The following CALN1 variants were observed in gnomAD, a reference collection of about 807,000 sequenced individuals.
CALN1 encodes calneuron 1, also known as calcium-binding protein 8.
Under a neutral mutation model 30.6 loss-of-function variants are expected in CALN1, and 17 were observed. The observed-to-expected ratio is 0.56, with a 90% CI of 0.38 to 0.83. CALN1 has a LOEUF of 0.83. CALN1 is among the 40% of genes least tolerant of loss of function. The probability of loss-of-function intolerance (pLI) is 0.00; values close to 1 mark genes in which losing one functional copy is unlikely to be tolerated. For synonymous variants in CALN1, 156 were observed against 131.4 expected, an observed-to-expected ratio of 1.19 and a Z score of -1.28; for missense variants, 291 against 354.9, an observed-to-expected ratio of 0.82 and a Z score of 1.45.
At chr7:72,159,009 T>TGC (rs1787915354) in intron 3 of CALN1, among the ~76,000 whole-genome samples, 1 of 151,944 alleles carries the variant, frequency 6.6e-6, no homozygotes, top group South Asian at 2.1e-4. Context: ...TAAGCCACTA[T>TGC]GCCTGGCTAA....
At chr7:71,967,861 C>T (rs1035348701) in intron 5 of CALN1, among the ~76,000 whole-genome samples, 5 of 151,972 alleles carry the variant, frequency 3.3e-5, no homozygotes, top group Admixed American at 6.6e-5. Flanking sequence ...AATTTAAAAG[C>T]GAACAAAAGA....
At chr7:71,982,911 G>A (rs995184649) in intron 5 of CALN1, among the ~76,000 whole-genome samples, 1 of 152,192 alleles carries the variant, frequency 6.6e-6, no homozygotes, top group African/African-American at 2.4e-5. Context: ...GTCCAACATG[G>A]CGGCTCCATC....
At chr7:72,197,599 G>A (rs185871517) in intron 3 of CALN1, among the ~76,000 whole-genome samples, 5 of 152,270 alleles carry the variant, frequency 3.3e-5, no homozygotes, top group Admixed American at 3.3e-4. Flanking sequence ...GGAGGCTGAG[G>A]TGGAAGGATG....
At chr7:71,995,455 T>C (rs1480110648) in intron 5 of CALN1, among the ~76,000 whole-genome samples, 3 of 152,208 alleles carry the variant, frequency 2.0e-5, no homozygotes, top group Non-Finnish European at 4.4e-5. Context: ...CCTCACTATC[T>C]GCCTAAGTAA....
chr7:71,789,202 A>G (rs567585252), intron 6 of CALN1, among the ~76,000 whole-genome samples: 8 of 152,124 alleles, frequency 5.3e-5, no homozygotes, highest in Non-Finnish European at 8.8e-5. Context: ...AGATCACCTG[A>G]GGTCAGGAGT....
chr7:72,089,099 T>C (rs892484710), intron 4 of CALN1, among the ~76,000 whole-genome samples: 23 of 152,060 alleles, frequency 1.5e-4, no homozygotes, highest in African/African-American at 4.6e-4. Context: ...ATTTTTTAAA[T>C]TGAAAATAAT....
At chr7:71,809,225 C>T (rs922293093) in intron 6 of CALN1, among the ~76,000 whole-genome samples, 5 of 152,010 alleles carry the variant, frequency 3.3e-5, no homozygotes, top group African/African-American at 7.2e-5. Context: ...TCCCTCCTGT[C>T]GTGGCCTTTA....
chr7:72,036,392 A>C (rs751822734), intron 4 of CALN1, among the ~76,000 whole-genome samples: 9 of 152,166 alleles, frequency 5.9e-5, no homozygotes, highest in Non-Finnish European at 1.5e-5. Flanking sequence ...AAATTTAGGA[A>C]GTGTTCAACC....
chr7:71,992,149 A>T (rs1023828340), intron 5 of CALN1, among the ~76,000 whole-genome samples: 1 of 152,240 alleles, frequency 6.6e-6, no homozygotes, highest in Non-Finnish European at 1.5e-5. Context: ...TAACACAAAG[A>T]CATTATGACT....
intron 4 of CALN1, among the ~76,000 whole-genome samples, chr7:72,047,789 C>T (rs1802566219): frequency 6.6e-6 from 1 of 152,080 alleles, no homozygotes; most frequent in Admixed American, 6.6e-5. Flanking sequence ...CTGCAGTGAA[C>T]AGGGGGCATG....
Position 72,079,831 on chromosome 7 carries a change from C to T in CALN1, c.388+26320G>A, listed in dbSNP as rs183011550. 6.4e-3 allele frequency among the ~76,000 whole-genome samples: 842 copies of T among 132,466 alleles called. 9 individuals carry two copies. The highest frequency in any genetic ancestry group is 0.011 in the Middle Eastern group (2 of 186). The allele number at this position is 132,466 out of a possible 152,430, so 86.9% of individuals were successfully genotyped here. A position where few individuals can be genotyped will look rare whatever the true frequency, so the allele number is the denominator to read the frequency against. On this transcript the variant is annotated intron_variant, in intron 4 of 6. Coordinates refer to ENST00000395275, the MANE Select transcript of CALN1 (RefSeq NM_031468.4). ...CGTCGCCCAGGCTGGAGTGCTGTGG[C>T]GTGATCTCGGCTCACTGCAGCCTCC...
At chr7:72,331,837 T>C (rs1022058748) in intron 2 of CALN1, among the ~76,000 whole-genome samples, 4 of 151,862 alleles carry the variant, frequency 2.6e-5, no homozygotes, top group African/African-American at 9.7e-5. Context: ...GTATTCTTCC[T>C]GATGCTCTTC....
intron 5 of CALN1, among the ~76,000 whole-genome samples, chr7:71,938,181 A>G (rs1795944666): frequency 6.6e-6 from 1 of 152,214 alleles, no homozygotes; most frequent in South Asian, 2.1e-4. Context: ...TTCATTCCAT[A>G]GCCATCATTT....
chr7:72,312,578 A>G lies in CALN1; in HGVS notation c.120-33768T>C, dbSNP rs148796103. ...TATACCTAGAGATCCTCGTGCTAGG[A>G]GATATTTTTTCTTTTGCAAATTCAA... On this transcript the variant is annotated intron_variant, in intron 2 of 6. Transcript: ENST00000395275. Among the ~76,000 whole-genome samples, 1,478 of 152,194 alleles carry G rather than the reference A, an allele frequency of 9.7e-3. 25 individuals are homozygous for G. Among genetic ancestry groups the G allele is most frequent in the African/African-American group, 0.033 (1,385 of 41,518 alleles).
chr7:71,819,590 T>G (rs1294162310), intron 5 of CALN1, among the ~76,000 whole-genome samples: 1 of 152,204 alleles, frequency 6.6e-6, no homozygotes, highest in Non-Finnish European at 1.5e-5. Flanking sequence ...CAGAAGTCCT[T>G]CATCTTCCCA....
chr7:72,496,970 G>A, the CALN1 span, among the ~76,000 whole-genome samples: 1 of 152,180 alleles, frequency 6.6e-6, no homozygotes, highest in South Asian at 2.1e-4. Context: ...GAGAGACAAG[G>A]AATGTGGAAA....
At chr7:72,004,516 T>A (rs1412392602) in intron 5 of CALN1, among the ~76,000 whole-genome samples, 1 of 152,176 alleles carries the variant, frequency 6.6e-6, no homozygotes, top group Non-Finnish European at 1.5e-5. Flanking sequence ...CAGTCCATAC[T>A]GGGAAAAATC....
At chr7:71,795,808 T>A (rs1786867021) in intron 6 of CALN1, among the ~76,000 whole-genome samples, 1 of 144,266 alleles carries the variant, frequency 6.9e-6, no homozygotes, top group Non-Finnish European at 1.5e-5. Flanking sequence ...TTACCAGTAC[T>A]TCATTCTTTT....
the CALN1 span, among the ~76,000 whole-genome samples, chr7:72,470,031 A>G: frequency 1.3e-5 from 2 of 152,170 alleles, no homozygotes; most frequent in Non-Finnish European, 2.9e-5. Context: ...ATGAGGGGGC[A>G]TAAAGCAGTG....
Sources: allele counts gnomAD v4.1 joint callset (sites outside exome capture counted in the v4.1 genomes callset), GRCh38; gene constraint gnomAD v4.1.1; transcripts MANE v1.5; gene names NCBI Gene and HGNC (gene_info 2026-07-23, HGNC 2026-07-21).